The following BCCIP variants were observed in gnomAD, a reference collection of about 807,000 sequenced individuals.
The protein encoded by BCCIP is BRCA2 and CDKN1A interacting protein.
In BCCIP, 23 loss-of-function variants were observed where a neutral mutation model predicts 32.8. That is an observed-to-expected ratio of 0.70 (90% CI 0.51 to 0.99). The LOEUF is 0.99. BCCIP is among the 50% of genes least tolerant of loss of function. The probability of loss-of-function intolerance (pLI) is 0.00; values close to 1 mark genes in which losing one functional copy is unlikely to be tolerated. For missense variants in BCCIP, 378 were observed against 379.8 expected, an observed-to-expected ratio of 1.00 and a Z score of 0.04; for synonymous variants, 144 against 137.6, an observed-to-expected ratio of 1.05 and a Z score of -0.33.
chr10:125,826,938 T>C (rs970387612), intron 2 of BCCIP, among the ~76,000 whole-genome samples: 3 of 150,460 alleles, frequency 2.0e-5, no homozygotes, highest in Non-Finnish European at 4.4e-5. Context: ...AGCTCAAGGC[T>C]GCAGCTATGA....
At chr10:125,841,053 T>C (rs1237992881), downstream of BCCIP, 2 of 1,557,172 alleles carry the variant, frequency 1.3e-6, no homozygotes, top group South Asian at 1.2e-5. Flanking sequence ...TATCTTAGCC[T>C]AACATGCAGA....
At chr10:125,839,256 G>A, downstream of BCCIP, 4 of 1,517,282 alleles carry the variant, frequency 2.6e-6, no homozygotes, top group Non-Finnish European at 3.6e-6. Flanking sequence ...CCCAGGCCAG[G>A]CAGTTGCCAT....
chr10:125,833,129 GA>G (rs1376946528), intron 5 of BCCIP, among the ~76,000 whole-genome samples: 1 of 135,336 alleles, frequency 7.4e-6, no homozygotes, highest in Non-Finnish European at 1.6e-5. Flanking sequence ...GTCTCCAAAC[GA>G]AAAAAAGAAA....
At chr10:125,841,686 A>C (rs551136425) in exon 7 of BCCIP, 1 of 1,577,028 alleles carries the variant, frequency 6.3e-7, no homozygotes, top group Admixed American at 2.1e-5. Context: ...GATCCGATCT[A>C]AATCTATACC....
At position 125,833,850 on chromosome 10, in the gene BCCIP, T is replaced by C; in HGVS notation, c.678T>C (p.Phe226=). The change falls in exon 6 of 7, where the codon TTT becomes TTC. Residue 226 remains phenylalanine (F), a synonymous_variant. Coordinates refer to ENST00000278100, the MANE Select transcript of BCCIP (RefSeq NM_078468.3). The stretch of plus-strand genomic sequence containing the variant: ...TTTACCTTCTGATTAGTAAGACATT[T>C]GTGGAAGCAGGAAAAAACAATTCCA... ...CYFYLLISKT[F]VEAGKNNSKK... The C allele has an allele frequency of 6.2e-7, 1 of 1,614,208 alleles. No homozygotes were observed. The highest frequency in any genetic ancestry group is 1.1e-5 in the South Asian group (1 of 91,088).
intron 5 of BCCIP, among the ~76,000 whole-genome samples, chr10:125,833,443 T>G (rs557312134): frequency 2.6e-4 from 40 of 152,308 alleles, no homozygotes; most frequent in Admixed American, 2.1e-3. Context: ...ATTCAAAAAT[T>G]CAGATTCGTA....
At chr10:125,841,187 T>TTG (rs34263964), downstream of BCCIP, 437,442 of 1,389,360 alleles carry the variant, frequency 0.31, 66,279 homozygotes, top group East Asian at 0.48. Flanking sequence ...CCCTCTCCTT[T>TTG]TGTGTGTGTG....
chr10:125,828,156 A>G (rs1348979743), intron 3 of BCCIP, among the ~76,000 whole-genome samples: 1 of 152,068 alleles, frequency 6.6e-6, no homozygotes, highest in African/African-American at 2.4e-5. Context: ...GGGAGATGAA[A>G]TATGATGAGG....
chr10:125,851,508 C>G (rs1944088988), intron 7 of BCCIP, among the ~76,000 whole-genome samples: 1 of 152,110 alleles, frequency 6.6e-6, no homozygotes, highest in Non-Finnish European at 1.5e-5. Context: ...AAGAAGATGC[C>G]TAGGAAATCA....
At position 125,836,243 on chromosome 10, in the gene BCCIP, T is replaced by C; in HGVS notation, c.914T>C (p.Met305Thr). ...CCAGGCGACAAGATGAACGAAATCA[T>C]GGATAAACTGAAAGAATATCTATCT... ...LIPGDKMNEI[M>T]DKLKEYLSV The change falls in exon 7 of 7, where the codon ATG (methionine) becomes ACG (threonine). Residue 305 changes from methionine (M) to threonine (T), a missense_variant. Transcript: ENST00000278100. 6.2e-7 allele frequency: 1 copy of C among 1,614,218 alleles called. No individual in the cohort carries two copies. Among genetic ancestry groups the C allele is most frequent in the African/African-American group, 1.3e-5 (1 of 75,062 alleles).
chr10:125,853,215 T>C, exon 8 of BCCIP: 1 of 1,612,202 alleles, frequency 6.2e-7, no homozygotes, highest in East Asian at 2.2e-5. Flanking sequence ...CAGGGAACCT[T>C]CATGACTGTT....
At chr10:125,846,745 A>G (rs967654680), downstream of BCCIP, among the ~76,000 whole-genome samples, 1 of 152,202 alleles carries the variant, frequency 6.6e-6, no homozygotes, top group Non-Finnish European at 1.5e-5. Flanking sequence ...TACTAACCCC[A>G]GTCACAGGGG....
At chr10:125,846,817 G>A (rs1468502286), downstream of BCCIP, among the ~76,000 whole-genome samples, 1 of 152,130 alleles carries the variant, frequency 6.6e-6, no homozygotes, top group Admixed American at 6.5e-5. Flanking sequence ...GGGCGTTTTC[G>A]ACTTTAGACC....
At position 125,823,604 on chromosome 10, in the gene BCCIP, A is replaced by C. The variant is rs1854237464; in HGVS notation, c.47A>C (p.Gln16Pro). 1.9e-6 allele frequency: 3 copies of C among 1,613,994 alleles called. No homozygotes were observed. Among genetic ancestry groups the C allele is most frequent in the Non-Finnish European group, 2.5e-6 (3 of 1,179,980 alleles). The change falls in exon 1 of 7, where the codon CAG (glutamine) becomes CCG (proline). Residue 16 changes from glutamine to proline, a missense_variant. Transcript: ENST00000278100. ...KRRAVESGVP[Q>P]PPDPPVQRDE... ...CGTGCCGTGGAAAGTGGGGTTCCGC[A>C]GCCGCCGGATCCCCCAGTCCAGCGC...
intron 6 of BCCIP, among the ~76,000 whole-genome samples, chr10:125,834,803 C>T (rs887587421): frequency 8.2e-6 from 1 of 122,504 alleles, no homozygotes; most frequent in African/African-American, 3.1e-5. Flanking sequence ...AAGGAAGAAA[C>T]TCCGTCTCAA....
chr10:125,830,435 C>T (rs1854495736), intron 3 of BCCIP, 127 bp from the exon 4 acceptor site: 5 of 508,556 alleles, frequency 9.8e-6, no homozygotes, highest in East Asian at 6.4e-5. Flanking sequence ...TCTAAGATGG[C>T]GGTGGTAAAA....
At chr10:125,838,061 C>G, downstream of BCCIP, 2 of 686,434 alleles carry the variant, frequency 2.9e-6, no homozygotes, top group Non-Finnish European at 4.7e-6. Context: ...TCCACAGAGG[C>G]CTGCCCTTAG....
At chr10:125,837,810 C>CCTTA, downstream of BCCIP, among the ~76,000 whole-genome samples, 1 of 152,260 alleles carries the variant, frequency 6.6e-6, no homozygotes, top group African/African-American at 2.4e-5. Context: ...GCCCATAAAG[C>CCTTA]CTTACACCTT....
At chr10:125,849,860 C>T (rs1486809004) in intron 7 of BCCIP, among the ~76,000 whole-genome samples, 1 of 152,148 alleles carries the variant, frequency 6.6e-6, no homozygotes, top group African/African-American at 2.4e-5. Context: ...TTCTTACAAA[C>T]TGGGCTTTTA....
Sources: gnomAD v4.1 joint callset for allele counts (sites outside exome capture counted in the v4.1 genomes callset) on GRCh38, gnomAD v4.1.1 for gene constraint, MANE v1.5 for transcripts, NCBI Gene and HGNC (gene_info 2026-07-23, HGNC 2026-07-21) for gene names.